IGSF21: variants seen among roughly 807,000 people sequenced by gnomAD.
IGSF21 encodes immunoglobulin superfamily member 21.
Under a neutral mutation model 46.8 loss-of-function variants are expected in IGSF21, and 28 were observed. The ratio of observed to expected loss-of-function variants is 0.60; its 90% CI spans 0.44 to 0.82. The LOEUF is 0.82. IGSF21 is among the 40% of genes least tolerant of loss of function. The probability of loss-of-function intolerance (pLI) is 0.00; values close to 1 mark genes in which losing one functional copy is unlikely to be tolerated. For missense variants in IGSF21, 624 were observed against 665.5 expected, an observed-to-expected ratio of 0.94 and a Z score of 0.69; for synonymous variants, 284 against 273.6, an observed-to-expected ratio of 1.04 and a Z score of -0.38.
At chr1:18,215,568 A>G (rs1032661865) in intron 1 of IGSF21, among the ~76,000 whole-genome samples, 4 of 152,274 alleles carry the variant, frequency 2.6e-5, no homozygotes, top group South Asian at 4.2e-4. Context: ...TAGCGAAGTG[A>G]TGGGGGCAAA....
rs751232584 is a variant in IGSF21 at position 18,365,448 on chromosome 1, A to C, written c.766A>C (p.Ile256Leu). ...CCGTGGCCTGACCCCAGATCCCAACATCCTCCTCCAGCCAACCACAGAGAA... is the reference window on the plus strand; with the variant it reads ...CCGTGGCCTGACCCCAGATCCCAACCTCCTCCTCCAGCCAACCACAGAGAA... ...PSRGLTPDPN[I>L]LLQPTTENIP... Residue 256 changes from isoleucine (I) to leucine (L), a missense_variant, in exon 6 of 10, where the codon ATC becomes CTC. Coordinates refer to ENST00000251296, the MANE Select transcript of IGSF21 (RefSeq NM_032880.5). This position sits in a 1 kb window ranked among gnomAD's most constrained non-coding sequence, Gnocchi z 4.8. 5 of 1,613,766 alleles carry C rather than the reference A, an allele frequency of 3.1e-6. No individual in the cohort carries two copies. In the East Asian group the frequency reaches 1.1e-4, roughly 36 times the overall value.
At chr1:18,358,252 G>A (rs2086046100) in intron 4 of IGSF21, among the ~76,000 whole-genome samples, 1 of 152,100 alleles carries the variant, frequency 6.6e-6, no homozygotes, top group African/African-American at 2.4e-5. Flanking sequence ...AGTTGTCCAA[G>A]AGAAATATAA....
At chr1:18,157,776 G>A (rs910411696) in intron 1 of IGSF21, among the ~76,000 whole-genome samples, 1 of 152,308 alleles carries the variant, frequency 6.6e-6, no homozygotes, top group Non-Finnish European at 1.5e-5. Flanking sequence ...CCAACACCAT[G>A]ATGTTTCCAC....
chr1:18,283,102 T>TCC (rs2085178432), intron 2 of IGSF21, among the ~76,000 whole-genome samples: 1 of 152,088 alleles, frequency 6.6e-6, no homozygotes, highest in Non-Finnish European at 1.5e-5. Context: ...GGAGTGTGGG[T>TCC]CCTACAAAGA....
In IGSF21 at chr1:18,241,456, C is replaced by T. The variant is rs563483719; in HGVS notation, c.183+13446C>T. 5.3e-5 allele frequency among the ~76,000 whole-genome samples: 8 copies of T among 152,304 alleles called. No individual in the cohort carries two copies. In the East Asian group the frequency reaches 5.8e-4, roughly 11 times the overall value. On this transcript the variant is annotated intron_variant, in intron 2 of 9. Coordinates refer to ENST00000251296, the MANE Select transcript of IGSF21 (RefSeq NM_032880.5). ...ACTGAGGTTAGGTGAGGTTAAGCAA[C>T]TTGCTCAAAGTCCTGCTGCTAGATA...
rs1484219961 is a variant in IGSF21, at chr1:18,346,712, G to A, written c.424+11702G>A. On this transcript the variant is annotated intron_variant, in intron 4 of 9. Coordinates refer to ENST00000251296, the MANE Select transcript of IGSF21 (RefSeq NM_032880.5). ...TTGGGGTGGAGAGGCCAGGGCCTATGGACCTCTACAGGCCTCCTCCCTGCC... is the reference window on the plus strand; with the variant it reads ...TTGGGGTGGAGAGGCCAGGGCCTATAGACCTCTACAGGCCTCCTCCCTGCC... Among the ~76,000 whole-genome samples the A allele has an allele frequency of 3.9e-5, 6 of 152,160 alleles. No homozygotes were observed. In the South Asian group the frequency reaches 6.2e-4, roughly 16 times the overall value.
At chr1:18,272,618 CTTCCATTTTCCAGCTT>C (rs1315329438) in intron 2 of IGSF21, among the ~76,000 whole-genome samples, 1 of 152,256 alleles carries the variant, frequency 6.6e-6, no homozygotes, top group East Asian at 1.9e-4. Flanking sequence ...ACAGCCCCTT[CTTCCATTTTCCAGCTT>C]TGGAATGAGT....
At chr1:18,279,829 G>A (rs181601327) in intron 2 of IGSF21, among the ~76,000 whole-genome samples, 139 of 152,356 alleles carry the variant, frequency 9.1e-4, no homozygotes, top group African/African-American at 3.2e-3. Flanking sequence ...CCCGCCCCTC[G>A]TTTAGCAGGT....
chr1:18,370,624 T>C (rs1283584671), intron 6 of IGSF21, among the ~76,000 whole-genome samples: 2 of 152,052 alleles, frequency 1.3e-5, no homozygotes. Context: ...AATCAAAAAT[T>C]AAATCTTCTG....
At chr1:18,156,401 G>A (rs2086568577) in intron 1 of IGSF21, among the ~76,000 whole-genome samples, 1 of 152,164 alleles carries the variant, frequency 6.6e-6, no homozygotes, top group Non-Finnish European at 1.5e-5. Context: ...CTCTGCAGAT[G>A]GAGAAAATCA....
chr1:18,252,052 T>G (rs964744593), intron 2 of IGSF21, among the ~76,000 whole-genome samples: 2 of 133,334 alleles, frequency 1.5e-5, no homozygotes, highest in Non-Finnish European at 3.2e-5. Context: ...GGCGTTTTTT[T>G]TTTTTTTTTT....
At chr1:18,150,413 G>C (rs556207280) in intron 1 of IGSF21, among the ~76,000 whole-genome samples, 6 of 152,234 alleles carry the variant, frequency 3.9e-5, no homozygotes, top group Admixed American at 2.6e-4. Context: ...CATGGCGGGG[G>C]GGGTCTCAGG....
intron 2 of IGSF21, among the ~76,000 whole-genome samples, chr1:18,236,789 T>G (rs1359926971): frequency 6.6e-6 from 1 of 152,206 alleles, no homozygotes; most frequent in African/African-American, 2.4e-5. Context: ...TAGAGTCAGC[T>G]GTCAGCTAGC....
At chr1:18,257,196 C>T (rs761566017) in intron 2 of IGSF21, among the ~76,000 whole-genome samples, 15 of 152,134 alleles carry the variant, frequency 9.9e-5, no homozygotes, top group Non-Finnish European at 1.9e-4. Flanking sequence ...AGAAAACACA[C>T]GCTTTATTTT....
intron 1 of IGSF21, among the ~76,000 whole-genome samples, chr1:18,162,364 A>G (rs1466004297): frequency 2.0e-5 from 3 of 152,078 alleles, no homozygotes; most frequent in Non-Finnish European, 2.9e-5. Flanking sequence ...CCATTTTTCT[A>G]CTTTACGTTA....
At chr1:18,341,057 C>CTCT (rs1553164967) in intron 4 of IGSF21, among the ~76,000 whole-genome samples, 1 of 44,704 alleles carries the variant, frequency 2.2e-5, no homozygotes, top group African/African-American at 6.8e-5. Context: ...CTTCCTCTTC[C>CTCT]TCTTCTTCTT....
At chr1:18,229,304 C>G (rs369169212) in intron 2 of IGSF21, among the ~76,000 whole-genome samples, 32 of 149,970 alleles carry the variant, frequency 2.1e-4, no homozygotes, top group Middle Eastern at 3.5e-3. Context: ...GAGCTGTCAC[C>G]ACATCTACAC....
intron 3 of IGSF21, among the ~76,000 whole-genome samples, chr1:18,318,463 T>TGA (rs2085566067): frequency 1.2e-5 from 1 of 80,980 alleles, no homozygotes; most frequent in Non-Finnish European, 2.6e-5. Context: ...TGTGCGTGCG[T>TGA]GCGTGTGTGT....
chr1:18,238,912 G>T (rs1350717699), intron 2 of IGSF21, among the ~76,000 whole-genome samples: 1 of 152,146 alleles, frequency 6.6e-6, no homozygotes, highest in Non-Finnish European at 1.5e-5. Context: ...GGTCTCTAAG[G>T]AATATGCAGC....
Sources: allele counts gnomAD v4.1 joint callset (sites outside exome capture counted in the v4.1 genomes callset), GRCh38; gene constraint gnomAD v4.1.1; non-coding constraint Gnocchi (gnomAD v3.1); transcripts MANE v1.5; gene names NCBI Gene and HGNC (gene_info 2026-07-23, HGNC 2026-07-21).